The following LRTM1 variants were observed in gnomAD, a reference collection of about 807,000 sequenced individuals.
The protein encoded by LRTM1 is leucine rich repeat transmembrane protein 1, also known as leucine-rich repeat and transmembrane domain-containing protein 1.
In LRTM1, 38 loss-of-function variants were observed where a neutral mutation model predicts 32.4. That is an observed-to-expected ratio of 1.17 (90% CI 0.91 to 1.54). LRTM1 has a LOEUF of 1.54. LRTM1 is among the 40% of genes most tolerant of loss of function. The pLI is 0.00. For missense variants in LRTM1, 466 were observed against 415.4 expected (o/e 1.12, Z -1.06); for synonymous variants, 186 against 169.9 (o/e 1.09, Z -0.74).
In LRTM1 at chr3:54,935,101, C is replaced by T. The variant is rs139307687; in HGVS notation, c.-221-9886G>A. Among the ~76,000 whole-genome samples, 140 of 152,266 alleles carry T rather than the reference C, an allele frequency of 9.2e-4. No homozygotes were observed. In the Middle Eastern group the frequency reaches 0.01, roughly 11 times the overall value. On this transcript the variant is annotated intron_variant, in intron 1 of 2. Coordinates refer to the LRTM1 transcript ENST00000493075. ...ACCTGTTTTCCATGAGAAGACTGCA[C>T]GTGATTTTGTTTGAACAAGGTAGGG... is the stretch of plus-strand genomic sequence containing the variant.
chr3:54,927,429 C>T (rs1420884266), intron 1 of LRTM1, among the ~76,000 whole-genome samples: 2 of 152,120 alleles, frequency 1.3e-5, no homozygotes, highest in African/African-American at 2.4e-5. Flanking sequence ...AAACATCTTC[C>T]CCTCAGTAAT....
chr3:54,963,921 C>T (rs1702088011), intron 1 of LRTM1, among the ~76,000 whole-genome samples: 1 of 152,158 alleles, frequency 6.6e-6, no homozygotes, highest in African/African-American at 2.4e-5. Flanking sequence ...AAGGAAGATA[C>T]TTTGTTGAAG....
intron 1 of LRTM1, among the ~76,000 whole-genome samples, chr3:54,960,074 G>T (rs1442187915): frequency 1.7e-5 from 2 of 118,296 alleles, no homozygotes; most frequent in African/African-American, 7.7e-5. Flanking sequence ...GCTCTGACAG[G>T]ACAAAAAAAA....
intron 1 of LRTM1, among the ~76,000 whole-genome samples, chr3:54,958,371 C>T (rs568373904): frequency 4.6e-5 from 7 of 152,194 alleles, no homozygotes; most frequent in Admixed American, 1.3e-4. Flanking sequence ...CCAGCCTGGG[C>T]GACAGAGCAA....
intron 1 of LRTM1, among the ~76,000 whole-genome samples, chr3:54,965,531 G>T (rs58777922): frequency 0.013 from 1,905 of 152,260 alleles, 39 homozygotes; most frequent in African/African-American, 0.044. Context: ...CTCTAGTGTA[G>T]CTTTTACAAT....
At chr3:54,952,622 C>T (rs2107020331) in intron 1 of LRTM1, among the ~76,000 whole-genome samples, 1 of 152,234 alleles carries the variant, frequency 6.6e-6, no homozygotes, top group South Asian at 2.1e-4. Flanking sequence ...TTGGCTCATT[C>T]ATTATAGTTA....
At chr3:54,936,645 G>A (rs1051206531) in intron 1 of LRTM1, among the ~76,000 whole-genome samples, 6 of 152,044 alleles carry the variant, frequency 3.9e-5, no homozygotes, top group African/African-American at 1.2e-4. Flanking sequence ...CTACATGCTC[G>A]TGCTGTGATT....
intron 1 of LRTM1, among the ~76,000 whole-genome samples, chr3:54,960,883 T>C (rs1575408952): frequency 6.6e-6 from 1 of 152,230 alleles, no homozygotes; most frequent in East Asian, 1.9e-4. Context: ...TGGTAAGTCA[T>C]TTATCTTGGA....
intron 1 of LRTM1, among the ~76,000 whole-genome samples, chr3:54,956,942 C>T (rs1701912777): frequency 6.6e-6 from 1 of 152,014 alleles, no homozygotes. Flanking sequence ...AAGGTAACTT[C>T]TTAGTAGGAG....
intron 1 of LRTM1, among the ~76,000 whole-genome samples, chr3:54,963,433 G>A (rs761586966): frequency 3.3e-5 from 5 of 152,182 alleles, no homozygotes; most frequent in East Asian, 1.9e-4. Flanking sequence ...GTCCAGTACC[G>A]TAGCCTCTAG....
chr3:54,928,159 T>C (rs1374277449), upstream of LRTM1: 26 of 519,576 alleles, frequency 5.0e-5, no homozygotes, highest in Non-Finnish European at 8.8e-5. Context: ...ATCGTGCCCC[T>C]CTTCTTTCTT....
At position 54,918,704 on chromosome 3, in the gene LRTM1, C is replaced by G. The variant is rs61735200; in HGVS notation, c.793G>C (p.Glu265Gln). The G allele has an allele frequency of 1.3e-3, 2,077 of 1,614,132 alleles. 20 individuals carry two copies. In the African/African-American group the frequency reaches 0.023, roughly 18 times the overall value. ...AGCTCGCACTCCAAGAGTTCTCGCT[C>G]CCCCGCGTTGTGGTTCTCAGGAGGC... ...LRPPENHNAG[E>Q]RELLECELKP... The change falls in exon 3 of 3, where the codon GAG (glutamate) becomes CAG (glutamine). Residue 265 changes from glutamate to glutamine, a missense_variant. Glu to Gln is a conservative substitution (Grantham distance 29, BLOSUM62 2). Transcript: ENST00000273286.
intron 1 of LRTM1, among the ~76,000 whole-genome samples, chr3:54,950,134 A>T (rs1054428538): frequency 6.6e-6 from 1 of 152,232 alleles, no homozygotes; most frequent in Non-Finnish European, 1.5e-5. Flanking sequence ...AATGGGAGTC[A>T]TAAGTGAAAA....
intron 1 of LRTM1, among the ~76,000 whole-genome samples, chr3:54,939,532 GC>G (rs1413143379): frequency 6.6e-6 from 1 of 152,230 alleles, no homozygotes. Context: ...AAAGAGGGCA[GC>G]CTGCTGTCTG....
intron 1 of LRTM1, among the ~76,000 whole-genome samples, chr3:54,952,697 C>T (rs1335905500): frequency 6.6e-6 from 1 of 152,106 alleles, no homozygotes; most frequent in Non-Finnish European, 1.5e-5. Context: ...ATTCTGGTGC[C>T]CGCATAGTTC....
upstream of LRTM1, among the ~76,000 whole-genome samples, chr3:54,929,578 G>A (rs1701132765): frequency 1.3e-5 from 2 of 152,072 alleles, no homozygotes; most frequent in African/African-American, 4.8e-5. Flanking sequence ...TATTCATCCT[G>A]CCTCTTCCAG....
chr3:54,949,359 G>T (rs1021000242), intron 1 of LRTM1, among the ~76,000 whole-genome samples: 8 of 152,138 alleles, frequency 5.3e-5, no homozygotes, highest in African/African-American at 1.9e-4. Flanking sequence ...GCTGAAAAAA[G>T]GGGACATGCC....
intron 1 of LRTM1, among the ~76,000 whole-genome samples, chr3:54,956,159 T>C (rs990205551): frequency 6.6e-6 from 1 of 152,170 alleles, no homozygotes; most frequent in African/African-American, 2.4e-5. Flanking sequence ...GCTGATCATA[T>C]CTGCCACCCA....
Position 54,959,504 on chromosome 3 carries a change from A to G in LRTM1, c.-222+7424T>C, listed in dbSNP as rs929618903. ...TCCAACTCAGAGATGTTTGGCAACT[A>G]TATGTGGCTGTTCTATTATTATTGG... On this transcript the variant is annotated intron_variant, in intron 1 of 2. Transcript: ENST00000493075. Among the ~76,000 whole-genome samples, 5 of 132,350 alleles carry G rather than the reference A, an allele frequency of 3.8e-5. No homozygotes were observed. The East Asian group carries it at 7.6e-4, about 20-fold the overall frequency. 86.8% of individuals were successfully genotyped at this position (132,350 alleles called of 152,430 possible).
Sources: allele counts gnomAD v4.1 joint callset (sites outside exome capture counted in the v4.1 genomes callset), GRCh38; gene constraint gnomAD v4.1.1; transcripts MANE v1.5; gene names NCBI Gene and HGNC (gene_info 2026-07-23, HGNC 2026-07-21).